PRKD1: variants seen among roughly 807,000 people sequenced by gnomAD.
The protein encoded by PRKD1 is serine/threonine-protein kinase D1.
Under a neutral mutation model 95.9 loss-of-function variants are expected in PRKD1, and 63 were observed. The ratio of observed to expected loss-of-function variants is 0.66; its 90% CI spans 0.54 to 0.81. PRKD1 has a LOEUF of 0.81. PRKD1 is among the 30% of genes least tolerant of loss of function. The probability of loss-of-function intolerance (pLI) is 0.00; values close to 1 mark genes in which losing one functional copy is unlikely to be tolerated. For synonymous variants in PRKD1, 425 were observed against 423.1 expected, an observed-to-expected ratio of 1.00 and a Z score of -0.05; for missense variants, 1,048 against 1,165.3, an observed-to-expected ratio of 0.90 and a Z score of 1.47.
chr14:29,668,156 C>G (rs967717092), intron 2 of PRKD1, among the ~76,000 whole-genome samples: 2 of 152,108 alleles, frequency 1.3e-5, no homozygotes, highest in African/African-American at 4.8e-5. Flanking sequence ...TTTACCTGTT[C>G]TGCACCCTGG....
chr14:29,819,953 A>G (rs1466481834), intron 1 of PRKD1, among the ~76,000 whole-genome samples: 1 of 152,172 alleles, frequency 6.6e-6, no homozygotes, highest in Non-Finnish European at 1.5e-5. Flanking sequence ...CCCTCAAGGT[A>G]TTGATATTAC....
At chr14:29,843,473 G>A (rs1012690384) in intron 1 of PRKD1, among the ~76,000 whole-genome samples, 5 of 152,152 alleles carry the variant, frequency 3.3e-5, no homozygotes, top group Non-Finnish European at 5.9e-5. Context: ...AAAAAAACAG[G>A]ATATAGAGCC....
chr14:29,678,009 T>C (rs1883332360), intron 2 of PRKD1, among the ~76,000 whole-genome samples: 1 of 152,250 alleles, frequency 6.6e-6, no homozygotes, highest in Non-Finnish European at 1.5e-5. Flanking sequence ...TAGAAGTTGA[T>C]GTTGAATTTA....
chr14:29,626,796 C>A (rs886324306), intron 11 of PRKD1, among the ~76,000 whole-genome samples: 1 of 148,460 alleles, frequency 6.7e-6, no homozygotes. Context: ...CTCACTGCAA[C>A]CTCCACCTCC....
At position 29,806,194 on chromosome 14, in the gene PRKD1, C is replaced by T. The variant is rs868368963; in HGVS notation, c.265-80520G>A. Among the ~76,000 whole-genome samples, 4 of 152,206 alleles carry T rather than the reference C, an allele frequency of 2.6e-5. No homozygotes were observed. The South Asian group carries it at 6.2e-4, about 24-fold the overall frequency. ...ATAACAAGAGCCATGATTATTCCTA[C>T]GTTAAATATGCAATTTACAGATTAA... On this transcript the variant is annotated intron_variant, in intron 1 of 17. Transcript: ENST00000331968.
intron 1 of PRKD1, among the ~76,000 whole-genome samples, chr14:29,742,377 A>G (rs980659746): frequency 2.0e-5 from 3 of 152,198 alleles, no homozygotes; most frequent in Admixed American, 1.3e-4. Context: ...CTCGCCTACA[A>G]AGACCTTTCT....
chr14:29,903,340 T>C (rs1894385217), intron 1 of PRKD1, among the ~76,000 whole-genome samples: 1 of 152,158 alleles, frequency 6.6e-6, no homozygotes, highest in Non-Finnish European at 1.5e-5. Context: ...CCCTTTAATA[T>C]AACTTGGTTC....
At chr14:29,676,290 C>T (rs1665762222) in intron 2 of PRKD1, among the ~76,000 whole-genome samples, 1 of 148,762 alleles carries the variant, frequency 6.7e-6, no homozygotes, top group Non-Finnish European at 1.5e-5. Flanking sequence ...TACTCATTCA[C>T]CTGGGAATTA....
chr14:29,773,809 T>C (rs1888615914), intron 1 of PRKD1, among the ~76,000 whole-genome samples: 1 of 152,226 alleles, frequency 6.6e-6, no homozygotes, highest in South Asian at 2.1e-4. Flanking sequence ...CCAGGCAACC[T>C]GGAAACAGTT....
At chr14:29,632,131 T>TA (rs543505259) in intron 9 of PRKD1, among the ~76,000 whole-genome samples, 30 of 151,884 alleles carry the variant, frequency 2.0e-4, no homozygotes, top group African/African-American at 4.8e-4. Context: ...CAATTCATAC[T>TA]AAAAAAAAGA....
intron 1 of PRKD1, among the ~76,000 whole-genome samples, chr14:29,819,646 C>T (rs188813731): frequency 1.8e-3 from 267 of 151,972 alleles, no homozygotes; most frequent in African/African-American, 5.1e-3. Context: ...GCCGAGATTG[C>T]GCCACTGCAC....
intron 11 of PRKD1, among the ~76,000 whole-genome samples, chr14:29,628,232 TATA>T (rs1292705657): frequency 6.6e-6 from 1 of 152,238 alleles, no homozygotes; most frequent in Admixed American, 6.5e-5. Context: ...TTTTCAGAAA[TATA>T]ATAAGGATGA....
At chr14:29,740,999 C>A (rs145672507) in intron 1 of PRKD1, among the ~76,000 whole-genome samples, 2 of 152,168 alleles carry the variant, frequency 1.3e-5, no homozygotes, top group African/African-American at 4.8e-5. Context: ...CAAACTAACA[C>A]AGGAACAGAA....
intron 2 of PRKD1, among the ~76,000 whole-genome samples, chr14:29,722,092 C>A (rs1025824074): frequency 6.6e-6 from 1 of 151,854 alleles, no homozygotes; most frequent in African/African-American, 2.4e-5. Context: ...CCTATTTTTT[C>A]TCTCATTTTT....
intron 1 of PRKD1, among the ~76,000 whole-genome samples, chr14:29,738,556 GTATTACTTAAAA>G (rs1384541765): frequency 1.3e-5 from 2 of 152,144 alleles, no homozygotes; most frequent in East Asian, 3.8e-4. Context: ...TTTTCATAAA[GTATTACTTAAAA>G]TCTTTTACCT....
intron 4 of PRKD1, among the ~76,000 whole-genome samples, chr14:29,655,813 A>C (rs1881799409): frequency 6.6e-6 from 1 of 152,042 alleles, no homozygotes; most frequent in Admixed American, 6.6e-5. Context: ...AAAATAATTA[A>C]TAGATTGTGA....
intron 2 of PRKD1, among the ~76,000 whole-genome samples, chr14:29,724,912 C>CT (rs898492218): frequency 2.0e-4 from 30 of 152,208 alleles, no homozygotes; most frequent in African/African-American, 6.3e-4. Flanking sequence ...TAAATACATT[C>CT]TTTTTTTTCT....
intron 2 of PRKD1, among the ~76,000 whole-genome samples, chr14:29,688,948 CAAAAAAAA>C (rs377212196): frequency 1.8e-4 from 6 of 32,500 alleles, no homozygotes; most frequent in African/African-American, 4.7e-4. Context: ...GACTCCGTCT[CAAAAAAAA>C]AAAAAAAAAA....
chr14:29,739,751 G>C (rs1886901116), intron 1 of PRKD1, among the ~76,000 whole-genome samples: 1 of 152,142 alleles, frequency 6.6e-6, no homozygotes. Flanking sequence ...ATCAAGTATT[G>C]CTAAAGAAGT....
Sources: gnomAD v4.1 joint callset for allele counts (sites outside exome capture counted in the v4.1 genomes callset) on GRCh38, gnomAD v4.1.1 for gene constraint, MANE v1.5 for transcripts, NCBI Gene and HGNC (gene_info 2026-07-23, HGNC 2026-07-21) for gene names.